Variants in UBE2K observed in about 807,000 individuals in gnomAD.
UBE2K encodes the protein ubiquitin conjugating enzyme E2 K.
Under a neutral mutation model 30.0 loss-of-function variants are expected in UBE2K, and 6 were observed. The observed-to-expected ratio is 0.20, with a 90% CI of 0.11 to 0.39. UBE2K has a LOEUF of 0.39. UBE2K is among the 10% of genes least tolerant of loss of function. The pLI is 1.00. For synonymous variants in UBE2K, 86 were observed against 83.7 expected, an observed-to-expected ratio of 1.03 and a Z score of -0.15; for missense variants, 61 against 241.6, an observed-to-expected ratio of 0.25 and a Z score of 4.96.
chr4:39,769,889 T>A (rs1712647550), intron 4 of UBE2K, among the ~76,000 whole-genome samples: 1 of 152,144 alleles, frequency 6.6e-6, no homozygotes, highest in Admixed American at 6.6e-5. Context: ...TCCAGCTTCT[T>A]GCACTCTCAA....
At chr4:39,728,818 G>GT (rs150967559) in intron 1 of UBE2K, among the ~76,000 whole-genome samples, 14,627 of 129,688 alleles carry the variant, frequency 0.11, 983 homozygotes, top group East Asian at 0.21. Context: ...GGTTTTTTTT[G>GT]TTTTTTTTGT....
At chr4:39,730,247 C>G (rs1259860292) in intron 1 of UBE2K, among the ~76,000 whole-genome samples, 2 of 152,078 alleles carry the variant, frequency 1.3e-5, no homozygotes, top group Non-Finnish European at 2.9e-5. Flanking sequence ...TGTAGTGGCA[C>G]AGTCATAGCT....
intron 1 of UBE2K, among the ~76,000 whole-genome samples, chr4:39,730,425 A>T (rs1720007528): frequency 1.3e-5 from 2 of 152,086 alleles, no homozygotes; most frequent in South Asian, 4.2e-4. Context: ...GGCTCAAGTG[A>T]TCCTCCCTCC....
At chr4:39,762,303 C>G (rs1712007079) in intron 4 of UBE2K, among the ~76,000 whole-genome samples, 2 of 152,030 alleles carry the variant, frequency 1.3e-5, no homozygotes, top group African/African-American at 4.8e-5. Context: ...CTCAAGTGAT[C>G]CTTCCACCTT....
chr4:39,712,948 C>T (rs1211231391), intron 1 of UBE2K, among the ~76,000 whole-genome samples: 1 of 151,722 alleles, frequency 6.6e-6, no homozygotes, highest in Non-Finnish European at 1.5e-5. Flanking sequence ...TCGCTGCAAC[C>T]TCTGCCTCCT....
intron 1 of UBE2K, 149 bp downstream of exon 1, chr4:39,698,539 CT>C: frequency 1.4e-6 from 1 of 710,438 alleles, no homozygotes; most frequent in Non-Finnish European, 2.5e-6. Context: ...TCCCCTCCTC[CT>C]TCCGCCGCCT....
At chr4:39,712,368 ATTTTTTTTTTTTT>A (rs60301036) in intron 1 of UBE2K, among the ~76,000 whole-genome samples, 2 of 53,634 alleles carry the variant, frequency 3.7e-5, no homozygotes, top group African/African-American at 8.1e-5. Context: ...CGCCCGGCCA[ATTTTTTTTTTTTT>A]TTTTTTTTTT....
intron 1 of UBE2K, among the ~76,000 whole-genome samples, chr4:39,725,612 T>A (rs1719712589): frequency 6.6e-6 from 1 of 152,170 alleles, no homozygotes; most frequent in African/African-American, 2.4e-5. Flanking sequence ...TCTTTTCTCT[T>A]GAAGGCAGGC....
At chr4:39,777,578 GATTTGTTTT>G (rs1713349600) in intron 5 of UBE2K, 95 bp from the exon 6 acceptor site, 4 of 1,107,410 alleles carry the variant, frequency 3.6e-6, no homozygotes, top group Admixed American at 3.0e-5. Flanking sequence ...TTTAAATGTA[GATTTGTTTT>G]ATTTGGAAAA....
At position 39,734,700 on chromosome 4, in the gene UBE2K, G is replaced by A. The variant is rs370829145; in HGVS notation, c.64-2720G>A. 1.1e-4 allele frequency among the ~76,000 whole-genome samples: 17 copies of A among 152,216 alleles called. No homozygotes were observed. In the East Asian group the frequency reaches 2.9e-3, roughly 26 times the overall value. ...GGTGGTGCACACCTCTCGTCCCAGCGACTGGTTAGGCCGAGGTGGGAGAAT... is the reference window on the plus strand; with the variant it reads ...GGTGGTGCACACCTCTCGTCCCAGCAACTGGTTAGGCCGAGGTGGGAGAAT... On this transcript the variant is annotated intron_variant, in intron 1 of 6. Coordinates refer to ENST00000261427, the MANE Select transcript of UBE2K (RefSeq NM_005339.5).
At chr4:39,778,181 AT>A (rs1323084049) in intron 6 of UBE2K, among the ~76,000 whole-genome samples, 178 bp from the exon 7 acceptor site, 1 of 148,806 alleles carries the variant, frequency 6.7e-6, no homozygotes, top group Non-Finnish European at 1.5e-5. Context: ...AAAGTCAGTG[AT>A]TTTTTTATTT....
At chr4:39,716,997 CAAAA>C (rs71194907) in intron 1 of UBE2K, among the ~76,000 whole-genome samples, 4 of 35,072 alleles carry the variant, frequency 1.1e-4, no homozygotes, top group Admixed American at 3.3e-4. Context: ...GACTCCATCT[CAAAA>C]AAAAAAAAAA....
chr4:39,765,401 G>A (rs1288788028), intron 4 of UBE2K, among the ~76,000 whole-genome samples: 1 of 152,194 alleles, frequency 6.6e-6, no homozygotes, highest in Non-Finnish European at 1.5e-5. Flanking sequence ...GCGTGAGTCT[G>A]TAGTCCCAGC....
intron 1 of UBE2K, among the ~76,000 whole-genome samples, chr4:39,736,314 T>C (rs957884112): frequency 2.0e-5 from 3 of 152,020 alleles, no homozygotes; most frequent in Admixed American, 2.0e-4. Flanking sequence ...TAACAAAAAT[T>C]AGCTGAGCAT....
chr4:39,738,722 G>T (rs533235299), intron 2 of UBE2K, among the ~76,000 whole-genome samples: 1 of 152,136 alleles, frequency 6.6e-6, no homozygotes, highest in African/African-American at 2.4e-5. Flanking sequence ...CTGTCACCCA[G>T]CCTGGAGTGC....
intron 1 of UBE2K, among the ~76,000 whole-genome samples, chr4:39,716,732 T>C (rs190430326): frequency 6.6e-6 from 1 of 152,206 alleles, no homozygotes; most frequent in African/African-American, 2.4e-5. Flanking sequence ...ACACGGTGGC[T>C]CACGCCTGTA....
At chr4:39,721,645 C>T (rs1209578417) in intron 1 of UBE2K, among the ~76,000 whole-genome samples, 2 of 152,112 alleles carry the variant, frequency 1.3e-5, no homozygotes, top group African/African-American at 2.4e-5. Context: ...GCATGAGACA[C>T]CATACCCAGT....
intron 1 of UBE2K, among the ~76,000 whole-genome samples, chr4:39,727,286 A>AG (rs1166729978): frequency 3.3e-5 from 5 of 152,214 alleles, no homozygotes; most frequent in Non-Finnish European, 7.3e-5. Context: ...GATACTGGAG[A>AG]GTAGGACTTG....
intron 1 of UBE2K, among the ~76,000 whole-genome samples, chr4:39,728,834 T>TTTG (rs1488065805): frequency 1.5e-4 from 22 of 149,194 alleles, no homozygotes; most frequent in Non-Finnish European, 2.2e-4. Flanking sequence ...TTTGTTTTTT[T>TTTG]TTTTTTGTAT....
Sources: gnomAD v4.1 joint callset for allele counts (sites outside exome capture counted in the v4.1 genomes callset) on GRCh38, gnomAD v4.1.1 for gene constraint, MANE v1.5 for transcripts, NCBI Gene and HGNC (gene_info 2026-07-23, HGNC 2026-07-21) for gene names.